Variants in ZNF844 observed in about 807,000 individuals in gnomAD.
The protein encoded by ZNF844 is zinc finger protein 844.
A neutral mutation model predicts 11.4 loss-of-function variants in ZNF844; 11 were observed. That is an observed-to-expected ratio of 0.97 (90% CI 0.61 to 1.60). The LOEUF is 1.60. Among genes scored for constraint, ZNF844 ranks in the 40% most tolerant of loss-of-function variants. The probability of loss-of-function intolerance (pLI) is 0.00; values close to 1 mark genes in which losing one functional copy is unlikely to be tolerated. For missense variants in ZNF844, 790 were observed against 796.8 expected, an observed-to-expected ratio of 0.99 and a Z score of 0.10; for synonymous variants, 248 against 260.3, an observed-to-expected ratio of 0.95 and a Z score of 0.46.
intron 1 of ZNF844, among the ~76,000 whole-genome samples, chr19:12,071,652 C>T (rs1470851502): frequency 7.3e-5 from 11 of 151,240 alleles, no homozygotes; most frequent in Admixed American, 5.3e-4. Flanking sequence ...ATATATCTTG[C>T]AGGAATGTCA....
Position 12,075,747 on chromosome 19 carries a change from C to A in ZNF844, c.627C>A (p.Leu209=). Residue 209 remains leucine, a synonymous_variant, in exon 4 of 4, where the codon CTC becomes CTA. Transcript: ENST00000439326. ...CKFCGKACPC[L]SIYLIHERVH... is the part of the protein sequence containing the mutation. ...TTTGTGGGAAAGCCTGCCCTTGTCT[C>A]AGCATATATCTTATACATGAACGAG... 2.5e-6 allele frequency: 4 copies of A among 1,613,866 alleles called. No individual in the cohort carries two copies. Among genetic ancestry groups the A allele is most frequent in the Non-Finnish European group, 3.4e-6 (4 of 1,179,928 alleles).
At chr19:12,066,825 C>T (rs886954665) in intron 1 of ZNF844, among the ~76,000 whole-genome samples, 4 of 151,918 alleles carry the variant, frequency 2.6e-5, no homozygotes, top group African/African-American at 7.3e-5. Context: ...GGATTACAGG[C>T]GTGAGCCACC....
At chr19:12,066,814 G>A (rs1443740952) in intron 1 of ZNF844, among the ~76,000 whole-genome samples, 1 of 151,842 alleles carries the variant, frequency 6.6e-6, no homozygotes, top group Admixed American at 6.6e-5. Context: ...CCAAAGTGCT[G>A]GGATTACAGG....
Position 12,076,704 on chromosome 19 carries a change from A to C in ZNF844, c.1584A>C (p.Glu528Asp), listed in dbSNP as rs751766417. The C allele has an allele frequency of 6.2e-7, 1 of 1,613,278 alleles. No homozygotes were observed. The highest frequency in any genetic ancestry group is 1.1e-5 in the South Asian group (1 of 90,976). Reference protein sequence around the residue: ...TFKCMKGLTLESNCMNLNNVK... With the variant: ...TFKCMKGLTLDSNCMNLNNVK... ...AATGCATGAAAGGACTCACACTGGA[A>C]AGCAACTGTATGAATCTAAACAATG... The change falls in exon 4 of 4, where the codon GAA (glutamate) becomes GAC (aspartate). Residue 528 changes from glutamate (E) to aspartate (D), a missense_variant. Physicochemically the swap from Glu to Asp is conservative, Grantham distance 45. Around this residue, in one of 3 missense-constraint regions of ZNF844, gnomAD observed 657 missense variants for 636.2 expected, o/e 1.03. Transcript: ENST00000439326.
chr19:12,080,695 A>T lies in ZNF844; in HGVS notation c.*3574A>T, dbSNP rs1568362944. 6.6e-6 allele frequency: 1 copy of T among 152,654 alleles called. No homozygotes were observed. The highest frequency in any genetic ancestry group is 1.5e-5 in the Non-Finnish European group (1 of 68,334). 9.5% of individuals were successfully genotyped at this position (152,654 alleles called of 1,614,324 possible). ...ATTGAAGAGAAATAAAGACTAAGAT[A>T]TTTTTTTAAAAGACTGAAAGAATAG... On this transcript the variant is annotated 3_prime_UTR_variant, in exon 4 of 4. Transcript: ENST00000439326.
At position 12,075,468 on chromosome 19, in the gene ZNF844, T is replaced by C; in HGVS notation, c.348T>C (p.Ser116=). 1 of 1,612,994 alleles carries C rather than the reference T, an allele frequency of 6.2e-7. No individual in the cohort carries two copies. Among genetic ancestry groups the C allele is most frequent in the Non-Finnish European group, 8.5e-7 (1 of 1,179,692 alleles). ...SVCGEVFVGH[S]SLNRHIRADT... ...GTGGAGAAGTCTTCGTGGGTCATTC[T>C]TCCCTTAATAGGCACATTAGAGCTG... Residue 116 remains serine, a synonymous_variant, in exon 4 of 4, where the codon TCT becomes TCC. Transcript: ENST00000439326.
At chr19:12,067,382 C>T (rs1345311346) in intron 1 of ZNF844, among the ~76,000 whole-genome samples, 2 of 145,834 alleles carry the variant, frequency 1.4e-5, no homozygotes, top group Non-Finnish European at 3.0e-5. Context: ...GAGGCCGGGT[C>T]GGGCAATCAC....
At chr19:12,066,878 T>C (rs1975694961) in intron 1 of ZNF844, among the ~76,000 whole-genome samples, 1 of 152,122 alleles carries the variant, frequency 6.6e-6, no homozygotes, top group Non-Finnish European at 1.5e-5. Flanking sequence ...AGCCTAAGCC[T>C]AGGAGTAATT....
rs1221930504 is a variant in ZNF844 at position 12,077,136 on chromosome 19, A to G, written c.*15A>G. 1.2e-6 allele frequency: 2 copies of G among 1,601,224 alleles called. No individual in the cohort carries two copies. The highest frequency in any genetic ancestry group is 1.3e-5 in the African/African-American group (1 of 74,508). ...CACTGGAGTGAAACCGTATGAATGCAAGGAATGTGGCAAAGCCTTCACTTC... is the reference window on the plus strand; with the variant it reads ...CACTGGAGTGAAACCGTATGAATGCGAGGAATGTGGCAAAGCCTTCACTTC... On this transcript the variant is annotated 3_prime_UTR_variant, in exon 4 of 4. Transcript: ENST00000439326.
At chr19:12,066,521 AAATGTCTTCTTTT>A (rs1975690007) in intron 1 of ZNF844, among the ~76,000 whole-genome samples, 1 of 148,990 alleles carries the variant, frequency 6.7e-6, no homozygotes, top group Non-Finnish European at 1.5e-5. Flanking sequence ...ACTATAACAT[AAATGTCTTCTTTT>A]TTTTTTTTTT....
At chr19:12,064,975 C>A (rs893625143) in intron 1 of ZNF844, 99 bp downstream of exon 1, 129 of 1,356,906 alleles carry the variant, frequency 9.5e-5, no homozygotes, top group Non-Finnish European at 2.5e-5. Context: ...ACCCGGACCT[C>A]CCCGCGGCGA....
At chr19:12,070,051 A>T (rs1975737227) in intron 1 of ZNF844, 1 of 148,846 alleles carries the variant, frequency 6.7e-6, no homozygotes, top group South Asian at 2.2e-4. Context: ...TGAGCCCAGG[A>T]GTTCGAGACC....
Position 12,064,771 on chromosome 19 carries a change from T to A in ZNF844, c.-103T>A. ...CCGCCGGGTGAGGTTGGCACCCCGT[T>A]TTTCCTGCTCTGAGAGGGACCGGTT... On this transcript the variant is annotated 5_prime_UTR_variant, in exon 1 of 4. Coordinates refer to ENST00000439326, the MANE Select transcript of ZNF844 (RefSeq NM_001136501.3). 1 of 1,352,468 alleles carries A rather than the reference T, an allele frequency of 7.4e-7. No homozygotes were observed. Among genetic ancestry groups the A allele is most frequent in the Non-Finnish European group, 1.0e-6 (1 of 990,860 alleles). The allele number at this position is 1,352,468 out of a possible 1,614,324, so 83.8% of individuals were successfully genotyped here.
At position 12,076,365 on chromosome 19, in the gene ZNF844, G is replaced by A; in HGVS notation, c.1245G>A (p.Leu415=). The change falls in exon 4 of 4, where the codon CTG becomes CTA. Residue 415 remains leucine (L), a synonymous_variant. Coordinates refer to ENST00000439326, the MANE Select transcript of ZNF844 (RefSeq NM_001136501.3). ...TCACTATCATGAAAGGACTCACACT[G>A]GAGAGAAACCCTATGAATGTAAGCA... ...VPFTIMKGLT[L]ERNPMNVSSV... is the part of the protein sequence containing the mutation. 1 of 1,610,244 alleles carries A rather than the reference G, an allele frequency of 6.2e-7. No homozygotes were observed. Among genetic ancestry groups the A allele is most frequent in the South Asian group, 1.1e-5 (1 of 90,846 alleles).
intron 2 of ZNF844, 66 bp from the exon 3 acceptor site, chr19:12,074,295 A>G: frequency 2.0e-6 from 3 of 1,494,874 alleles, no homozygotes; most frequent in Non-Finnish European, 2.7e-6. Flanking sequence ...CCGTGAACAT[A>G]GAATCTAATC....
Position 12,080,214 on chromosome 19 carries a change from G to A in ZNF844, c.*3093G>A, listed in dbSNP as rs1238363381. On this transcript the variant is annotated 3_prime_UTR_variant, in exon 4 of 4. Coordinates refer to ENST00000439326, the MANE Select transcript of ZNF844 (RefSeq NM_001136501.3). ...AATACAAAAAAACTAGCTGGGCGTG[G>A]TGGTGGGCGCCTGTAGTCCCAGCTA... The A allele has an allele frequency of 5.0e-6, 1 of 198,564 alleles. No individual in the cohort carries two copies. The highest frequency in any genetic ancestry group is 1.0e-5 in the Non-Finnish European group (1 of 96,270). The allele number at this position is 198,564 out of a possible 1,614,324, so 12.3% of individuals were successfully genotyped here. A position where few individuals can be genotyped will look rare whatever the true frequency, so the allele number is the denominator to read the frequency against.
chr19:12,073,067 T>G (rs528589972), intron 1 of ZNF844, among the ~76,000 whole-genome samples: 1 of 152,270 alleles, frequency 6.6e-6, no homozygotes, highest in South Asian at 2.1e-4. Context: ...GCCTTTTTGT[T>G]AAGAGTGGGT....
chr19:12,076,943 C>T lies in ZNF844; in HGVS notation c.1823C>T (p.Thr608Ile), dbSNP rs1599402506. 1 of 1,601,198 alleles carries T rather than the reference C, an allele frequency of 6.2e-7. No homozygotes were observed. Among genetic ancestry groups the T allele is most frequent in the South Asian group, 1.1e-5 (1 of 89,206 alleles). Reference sequence around the variant, plus strand: ...TCCTTCGAGTACATGCAAGAACACACCCTGGAGAGAAACCCTATGAATGTA... The same window carrying T: ...TCCTTCGAGTACATGCAAGAACACATCCTGGAGAGAAACCCTATGAATGTA... ...PRSFEYMQEH[T>I]LERNPMNVRN... The change falls in exon 4 of 4, where the codon ACC becomes ATC. Residue 608 changes from threonine (T) to isoleucine (I), a missense_variant. By Grantham distance (89) the Thr-to-Ile change is moderately conservative (BLOSUM62 -1). Coordinates refer to ENST00000439326, the MANE Select transcript of ZNF844 (RefSeq NM_001136501.3).
intron 1 of ZNF844, among the ~76,000 whole-genome samples, chr19:12,069,589 T>C (rs953605037): frequency 2.6e-5 from 4 of 151,732 alleles, no homozygotes; most frequent in African/African-American, 9.7e-5. Flanking sequence ...TTTTTTTTTT[T>C]ACAGAGAGGA....
Sources: gnomAD v4.1 joint callset for allele counts (sites outside exome capture counted in the v4.1 genomes callset) on GRCh38, gnomAD v4.1.1 for gene constraint, gnomAD v4.1.1 regional missense constraint, MANE v1.5 for transcripts, NCBI Gene and HGNC (gene_info 2026-07-23, HGNC 2026-07-21) for gene names.